The following FH variants were observed in gnomAD, a reference collection of about 807,000 sequenced individuals.
FH encodes fumarate hydratase, also known as fumarate hydratase, mitochondrial.
A neutral mutation model predicts 49.4 loss-of-function variants in FH; 22 were observed. That is an observed-to-expected ratio of 0.45 (90% CI 0.32 to 0.64). The LOEUF is 0.64. Among genes scored for constraint, FH ranks in the 30% least tolerant of loss-of-function variants. The probability of loss-of-function intolerance (pLI) is 0.05; values close to 1 mark genes in which losing one functional copy is unlikely to be tolerated. For synonymous variants in FH, 208 were observed against 223.0 expected (o/e 0.93, Z 0.60); for missense variants, 526 against 641.5 (o/e 0.82, Z 1.95).
rs373377211 is a variant in FH, at chr1:241,510,193, C to T, written c.556-1408G>A. Among the ~76,000 whole-genome samples the T allele has an allele frequency of 1.1e-4, 17 of 152,194 alleles. No homozygotes were observed. The East Asian group carries it at 1.5e-3, about 14-fold the overall frequency. The stretch of plus-strand genomic sequence containing the variant: ...TAAATTATACTTAGCACCCAGATCT[C>T]AGTTTCTAAATATCATTTTCCAATA... On this transcript the variant is annotated intron_variant, in intron 4 of 9. Transcript: ENST00000366560.
chr1:241,503,972 T>C (rs1659846935), intron 7 of FH, 70 bp downstream of exon 7: 9 of 1,424,416 alleles, frequency 6.3e-6, no homozygotes, highest in Middle Eastern at 1.7e-4. Context: ...AAGAGAGACA[T>C]GGTCCATAGC....
Position 241,517,331 on chromosome 1 carries a change from AC to A in FH, c.133-16del. ...TTTTGGCTTGCCTAAAGACAAGAATACAACACTATTACAAGTTGAAAAGAAA... is the reference window on the plus strand; with the variant it reads ...TTTTGGCTTGCCTAAAGACAAGAATAAACACTATTACAAGTTGAAAAGAAA... On this transcript the variant is annotated splice_polypyrimidine_tract_variant and intron_variant, in intron 1 of 9. Transcript: ENST00000366560. 1 of 1,613,860 alleles carries A rather than the reference AC, an allele frequency of 6.2e-7. No homozygotes were observed. Among genetic ancestry groups the A allele is most frequent in the East Asian group, 2.2e-5 (1 of 44,880 alleles).
At chr1:241,514,429 T>C (rs1050570783) in intron 2 of FH, among the ~76,000 whole-genome samples, 7 of 152,148 alleles carry the variant, frequency 4.6e-5, no homozygotes, top group African/African-American at 7.2e-5. Context: ...CCAAATCACC[T>C]CACCAAGCTT....
At chr1:241,503,264 T>A (rs115333876) in intron 7 of FH, among the ~76,000 whole-genome samples, 1 of 152,204 alleles carries the variant, frequency 6.6e-6, no homozygotes, top group Non-Finnish European at 1.5e-5. Flanking sequence ...TTCTTCAACA[T>A]GAAGTACTTT....
chr1:241,504,428 G>T (rs1300406882), intron 6 of FH, among the ~76,000 whole-genome samples, 183 bp from the exon 7 acceptor site: 1 of 152,098 alleles, frequency 6.6e-6, no homozygotes, highest in Non-Finnish European at 1.5e-5. Flanking sequence ...GGAGTAGAAA[G>T]AATCTGGTAT....
intron 4 of FH, among the ~76,000 whole-genome samples, chr1:241,510,356 C>T (rs1420890291): frequency 6.6e-6 from 1 of 152,074 alleles, no homozygotes; most frequent in Non-Finnish European, 1.5e-5. Flanking sequence ...TGGTGGCATG[C>T]CTAAAAGGAC....
intron 2 of FH, among the ~76,000 whole-genome samples, chr1:241,516,496 G>A (rs775055223): frequency 6.6e-6 from 1 of 152,088 alleles, no homozygotes; most frequent in African/African-American, 2.4e-5. Flanking sequence ...AAGCACACAG[G>A]GGCCTGTGGG....
chr1:241,519,252 G>C (rs1660301835), intron 1 of FH: 1 of 280,180 alleles, frequency 3.6e-6, no homozygotes, highest in Non-Finnish European at 6.8e-6. Flanking sequence ...CGGGGCTGGG[G>C]GCCTGCGCGC....
chr1:241,503,704 C>CTA (rs372968721), intron 7 of FH, among the ~76,000 whole-genome samples: 7 of 152,356 alleles, frequency 4.6e-5, no homozygotes, highest in African/African-American at 7.2e-5. Context: ...GTGTCACTTG[C>CTA]TATATCTAAC....
In FH at chr1:241,517,277, C is replaced by T. The variant is rs11545659; in HGVS notation, c.172G>A (p.Gly58Ser). 19 of 1,613,864 alleles carry T rather than the reference C, an allele frequency of 1.2e-5. No homozygotes were observed. Among genetic ancestry groups the T allele is most frequent in the Non-Finnish European group, 1.6e-5 (19 of 1,179,856 alleles). ...NSFRIEYDTFGELKVPNDKYY... is the reference protein window; with the variant it reads ...NSFRIEYDTFSELKVPNDKYY... The stretch of plus-strand genomic sequence containing the variant: ...TTATCATTTGGCACCTTTAGTTCAC[C>T]AAAGGTATCATATTCTATCCGGAAG... The change falls in exon 2 of 10, where the codon GGT (glycine) becomes AGT (serine). Residue 58 changes from glycine to serine, a missense_variant. Transcript: ENST00000366560.
chr1:241,517,393 TAAAGAG>T lies in FH; in HGVS notation c.133-83_133-78del. The stretch of plus-strand genomic sequence containing the variant: ...AAAGTAATCGCATCTTATCAGCTGT[TAAAGAG>T]AAAGAAACCTGAATAAGTATCACAA... On this transcript the variant is annotated intron_variant, in intron 1 of 9. Coordinates refer to ENST00000366560, the MANE Select transcript of FH (RefSeq NM_000143.4). The T allele has an allele frequency of 2.0e-6, 3 of 1,517,724 alleles. No individual in the cohort carries two copies. In the South Asian group the frequency reaches 3.4e-5, roughly 17 times the overall value. 94.0% of individuals were successfully genotyped at this position (1,517,724 alleles called of 1,614,324 possible). A position where few individuals can be genotyped will look rare whatever the true frequency, so the allele number is the denominator to read the frequency against.
chr1:241,511,850 C>A (rs952029981), intron 4 of FH, 117 bp downstream of exon 4: 10 of 965,990 alleles, frequency 1.0e-5, no homozygotes, highest in African/African-American at 1.6e-5. Context: ...CCATAAGAAG[C>A]CTTATCCATT....
chr1:241,509,315 T>C (rs1219369274), intron 4 of FH, among the ~76,000 whole-genome samples: 3 of 152,094 alleles, frequency 2.0e-5, no homozygotes, highest in Non-Finnish European at 4.4e-5. Context: ...CTTTATTAAG[T>C]TTAGAAAAAT....
Position 241,497,701 on chromosome 1 carries a change from C to A in FH, c.*127G>T. ...ACATCCTAGGGTTTTATATACTGAT[C>A]AAATTGCTCTGCTAGAGATGCTTAA... On this transcript the variant is annotated 3_prime_UTR_variant, in exon 10 of 10. Coordinates refer to ENST00000366560, the MANE Select transcript of FH (RefSeq NM_000143.4). 1 of 786,450 alleles carries A rather than the reference C, an allele frequency of 1.3e-6. No homozygotes were observed. Among genetic ancestry groups the A allele is most frequent in the Non-Finnish European group, 2.0e-6 (1 of 488,742 alleles). 48.7% of individuals were successfully genotyped at this position (786,450 alleles called of 1,614,324 possible).
In FH at chr1:241,508,598, T is replaced by C. The variant is rs1258289679; in HGVS notation, c.738+5A>G. ...AATTGAATCAAATTAGTCAAACTCC[T>C]ATACCTGCCCAAGAGTAAGTGGAAC... On this transcript the variant is annotated splice_donor_5th_base_variant and intron_variant, in intron 5 of 9. Transcript: ENST00000366560. 2 of 1,611,024 alleles carry C rather than the reference T, an allele frequency of 1.2e-6. No homozygotes were observed. Among genetic ancestry groups the C allele is most frequent in the Non-Finnish European group, 1.7e-6 (2 of 1,177,238 alleles).
chr1:241,512,572 A>C (rs1660115733), intron 3 of FH, among the ~76,000 whole-genome samples: 1 of 152,212 alleles, frequency 6.6e-6, no homozygotes, highest in Non-Finnish European at 1.5e-5. Context: ...CACCAAATGT[A>C]GAAATAAACG....
chr1:241,504,504 C>A (rs1191493587), intron 6 of FH, among the ~76,000 whole-genome samples: 1 of 151,978 alleles, frequency 6.6e-6, no homozygotes, highest in Non-Finnish European at 1.5e-5. Flanking sequence ...CAGTGTGGCT[C>A]AATCACAGCT....
intron 4 of FH, among the ~76,000 whole-genome samples, chr1:241,509,436 T>C (rs943714484): frequency 3.3e-5 from 5 of 152,162 alleles, no homozygotes; most frequent in Admixed American, 6.5e-5. Context: ...CCAGGTAGTA[T>C]ATACTCAGTG....
At chr1:241,516,983 G>A (rs1203081711) in intron 2 of FH, among the ~76,000 whole-genome samples, 199 bp downstream of exon 2, 4 of 152,124 alleles carry the variant, frequency 2.6e-5, no homozygotes, top group Non-Finnish European at 5.9e-5. Context: ...TATTCAAAGC[G>A]ATGGCTCAAA....
Sources: gnomAD v4.1 joint callset for allele counts (sites outside exome capture counted in the v4.1 genomes callset) on GRCh38, gnomAD v4.1.1 for gene constraint, MANE v1.5 for transcripts, NCBI Gene and HGNC (gene_info 2026-07-23, HGNC 2026-07-21) for gene names.